SMC6: variants seen among roughly 807,000 people sequenced by gnomAD.
The protein encoded by SMC6 is structural maintenance of chromosomes protein 6.
Under a neutral mutation model 142.2 loss-of-function variants are expected in SMC6, and 79 were observed. The ratio of observed to expected loss-of-function variants is 0.56; its 90% CI spans 0.46 to 0.67. SMC6 has a LOEUF of 0.67. Among genes scored for constraint, SMC6 ranks in the 30% least tolerant of loss-of-function variants. SMC6 has a pLI of 0.00. For missense variants in SMC6, 1,072 were observed against 1,284.0 expected, an observed-to-expected ratio of 0.83 and a Z score of 2.52; for synonymous variants, 411 against 412.4, an observed-to-expected ratio of 1.00 and a Z score of 0.04.
chr2:17,750,241 C>T (rs1670956671), intron 2 of SMC6, among the ~76,000 whole-genome samples: 1 of 152,010 alleles, frequency 6.6e-6, no homozygotes, highest in African/African-American at 2.4e-5. Context: ...AGATGAGTTG[C>T]TAAACAAAAG....
chr2:17,680,980 T>C (rs971703497), intron 24 of SMC6: 2 of 152,260 alleles, frequency 1.3e-5, no homozygotes, highest in African/African-American at 4.8e-5. Context: ...TATCTTCTAA[T>C]ACAAGGCTGT....
chr2:17,731,614 G>GTAT (rs1669917687), intron 6 of SMC6, 127 bp downstream of exon 6: 1 of 764,644 alleles, frequency 1.3e-6, no homozygotes, highest in African/African-American at 1.8e-5. Flanking sequence ...GTGTGTGTGT[G>GTAT]TATATATATA....
intron 23 of SMC6, among the ~76,000 whole-genome samples, chr2:17,694,911 C>T (rs934326461): frequency 3.9e-5 from 6 of 151,950 alleles, no homozygotes; most frequent in African/African-American, 1.4e-4. Context: ...CTATATGAAC[C>T]TTATAGATAC....
At chr2:17,747,338 A>G (rs1339207629) in intron 2 of SMC6, among the ~76,000 whole-genome samples, 1 of 152,162 alleles carries the variant, frequency 6.6e-6, no homozygotes, top group Non-Finnish European at 1.5e-5. Context: ...CTAAGGAAAT[A>G]GCTCCAAGTT....
At chr2:17,743,179 T>C (rs923855163) in intron 3 of SMC6, among the ~76,000 whole-genome samples, 6 of 152,210 alleles carry the variant, frequency 3.9e-5, no homozygotes, top group African/African-American at 1.4e-4. Context: ...TTCACCTAAA[T>C]TTTAGAATAA....
chr2:17,737,901 A>G (rs1670234214), intron 5 of SMC6, among the ~76,000 whole-genome samples: 1 of 152,216 alleles, frequency 6.6e-6, no homozygotes, highest in African/African-American at 2.4e-5. Context: ...GTCAATAGTC[A>G]GGAATTAGCA....
At position 17,751,771 on chromosome 2, in the gene SMC6, A is replaced by G. The variant is rs993122204; in HGVS notation, c.-6+1207T>C. On this transcript the variant is annotated intron_variant, in intron 2 of 27. Coordinates refer to ENST00000448223, the MANE Select transcript of SMC6 (RefSeq NM_001142286.2). ...ATCGTTGTGTATAAAGAACTATGGC[A>G]TTTAATTGTGTCTTAAATATAATGC... Among the ~76,000 whole-genome samples, 17 of 152,374 alleles carry G rather than the reference A, an allele frequency of 1.1e-4. No individual in the cohort carries two copies. In the South Asian group the frequency reaches 2.5e-3, roughly 22 times the overall value.
intron 19 of SMC6, 71 bp downstream of exon 19, chr2:17,703,086 G>T: frequency 1.0e-6 from 1 of 978,236 alleles, no homozygotes; most frequent in Non-Finnish European, 1.4e-6. Flanking sequence ...TCAATAATGG[G>T]ATCTTAAAAT....
intron 25 of SMC6, among the ~76,000 whole-genome samples, chr2:17,673,875 T>A (rs115462637): frequency 0.019 from 2,897 of 152,228 alleles, 97 homozygotes; most frequent in African/African-American, 0.067. Context: ...GGCCGCTTAC[T>A]GTTTATTTTA....
intron 5 of SMC6, among the ~76,000 whole-genome samples, 177 bp downstream of exon 5, chr2:17,738,044 C>G (rs1016327096): frequency 1.3e-5 from 2 of 152,066 alleles, no homozygotes; most frequent in Non-Finnish European, 2.9e-5. Flanking sequence ...GGGTAACAGG[C>G]AACAGTGAGC....
chr2:17,713,546 C>A, intron 16 of SMC6: 1 of 471,022 alleles, frequency 2.1e-6, no homozygotes, highest in Non-Finnish European at 4.4e-6. Context: ...ACAGAGCAGG[C>A]CCCACCAGAA....
intron 26 of SMC6, among the ~76,000 whole-genome samples, chr2:17,667,506 G>A (rs1666552820): frequency 6.6e-6 from 1 of 152,168 alleles, no homozygotes; most frequent in Non-Finnish European, 1.5e-5. Flanking sequence ...ATTCCTAAAA[G>A]TTGAAATCAT....
chr2:17,737,815 A>G (rs1670229493), intron 5 of SMC6, among the ~76,000 whole-genome samples: 1 of 152,216 alleles, frequency 6.6e-6, no homozygotes, highest in South Asian at 2.1e-4. Context: ...AGTTTTGTGC[A>G]GGGACACTTT....
rs16983811 is a variant in SMC6 at position 17,732,048 on chromosome 2, G to A, written c.345-171C>T. ...TTGTTCACTACAGCATAACGTTAAC[G>A]ATACTGTGCCTAACAAAAAAATAAA... On this transcript the variant is annotated intron_variant, in intron 5 of 27. Coordinates refer to ENST00000448223, the MANE Select transcript of SMC6 (RefSeq NM_001142286.2). Among the ~76,000 whole-genome samples, 1,178 of 152,270 alleles carry A rather than the reference G, an allele frequency of 7.7e-3. 14 individuals are homozygous for A. Among genetic ancestry groups the A allele is most frequent in the African/African-American group, 0.027 (1,110 of 41,538 alleles).
chr2:17,748,932 T>G (rs1378591838), intron 2 of SMC6, among the ~76,000 whole-genome samples: 4 of 152,246 alleles, frequency 2.6e-5, no homozygotes, highest in Admixed American at 6.5e-5. Flanking sequence ...CACTACGTGA[T>G]GACGATGTTT....
intron 5 of SMC6, among the ~76,000 whole-genome samples, chr2:17,733,374 C>T (rs1414825996): frequency 2.0e-5 from 3 of 152,156 alleles, no homozygotes; most frequent in Admixed American, 2.0e-4. Flanking sequence ...TTTTTACCAA[C>T]TAAGCAATCA....
At chr2:17,702,698 C>A (rs567745628) in intron 19 of SMC6, among the ~76,000 whole-genome samples, 2 of 152,194 alleles carry the variant, frequency 1.3e-5, no homozygotes, top group East Asian at 3.9e-4. Context: ...CAGCTTCCCC[C>A]CTACTGTTCT....
intron 16 of SMC6, among the ~76,000 whole-genome samples, chr2:17,714,626 T>C (rs544313598): frequency 2.8e-4 from 42 of 152,308 alleles, no homozygotes; most frequent in Admixed American, 2.6e-3. Context: ...TTCTAAGCCA[T>C]ACTACATCTG....
At chr2:17,726,520 G>A (rs761883787) in intron 7 of SMC6, 51 bp from the exon 8 acceptor site, 7 of 1,502,758 alleles carry the variant, frequency 4.7e-6, no homozygotes, top group Non-Finnish European at 3.6e-6. Context: ...ATGCTTTAAA[G>A]ATAGGTAAAA....
Sources: gnomAD v4.1 joint callset for allele counts (sites outside exome capture counted in the v4.1 genomes callset) on GRCh38, gnomAD v4.1.1 for gene constraint, MANE v1.5 for transcripts, NCBI Gene and HGNC (gene_info 2026-07-23, HGNC 2026-07-21) for gene names.